NAV3: variants seen among roughly 807,000 people sequenced by gnomAD.
The protein encoded by NAV3 is neuron navigator 3, also known as pore membrane and/or filament interacting like protein 1.
A neutral mutation model predicts 244.7 loss-of-function variants in NAV3; 87 were observed. That is an observed-to-expected ratio of 0.36 (90% CI 0.30 to 0.42). NAV3 has a LOEUF of 0.42. NAV3 is among the 20% of genes least tolerant of loss of function. The pLI, the probability that NAV3 is intolerant of heterozygous loss-of-function variation, is 1.00. For synonymous variants in NAV3, 1,126 were observed against 1,042.2 expected (o/e 1.08, Z -1.55); for missense variants, 2,663 against 2,893.3 (o/e 0.92, Z 1.83).
intron 12 of NAV3, among the ~76,000 whole-genome samples, chr12:78,097,137 G>A (rs192313012): frequency 1.3e-5 from 2 of 152,282 alleles, no homozygotes; most frequent in African/African-American, 4.8e-5. Context: ...CCTGGAGGGA[G>A]GTTAGGTCAT....
At chr12:77,795,530 C>G (rs1422507814) in intron 2 of NAV3, among the ~76,000 whole-genome samples, 4 of 152,020 alleles carry the variant, frequency 2.6e-5, no homozygotes, top group Non-Finnish European at 4.4e-5. Flanking sequence ...ATGAAATTTA[C>G]TGTACATTAT....
At chr12:77,895,711 T>G (rs1458750710) in intron 1 of NAV3, among the ~76,000 whole-genome samples, 1 of 150,770 alleles carries the variant, frequency 6.6e-6, no homozygotes, top group African/African-American at 2.4e-5. Context: ...TACCCCATCC[T>G]CTACTACCAC....
At chr12:77,765,569 G>C (rs927373298) in intron 2 of NAV3, among the ~76,000 whole-genome samples, 1 of 152,120 alleles carries the variant, frequency 6.6e-6, no homozygotes, top group Non-Finnish European at 1.5e-5. Context: ...AAAGATGAAA[G>C]GGGCAATCCA....
Position 78,119,417 on chromosome 12 carries a change from G to A in NAV3, c.3221G>A (p.Gly1074Glu), listed in dbSNP as rs2138609150. 1 of 1,614,148 alleles carries A rather than the reference G, an allele frequency of 6.2e-7. No individual in the cohort carries two copies. The highest frequency in any genetic ancestry group is 1.1e-5 in the South Asian group (1 of 91,078). The change falls in exon 15 of 40, where the codon GGG becomes GAG. Residue 1074 changes from glycine (G) to glutamate (E), a missense_variant. Transcript: ENST00000397909. ...GGCTTTAAGAAACCAAGTGGAGTAGGGTCATCTGCCATGATCACCAGCAGT... is the reference window on the plus strand; with the variant it reads ...GGCTTTAAGAAACCAAGTGGAGTAGAGTCATCTGCCATGATCACCAGCAGT... ...SFGFKKPSGV[G>E]SSAMITSSGA...
chr12:78,177,036 C>T, intron 26 of NAV3, 105 bp from the exon 27 acceptor site: 1 of 1,077,454 alleles, frequency 9.3e-7, no homozygotes, highest in Non-Finnish European at 1.4e-6. Context: ...CTTGTACATA[C>T]TGACCCCAGG....
intron 2 of NAV3, among the ~76,000 whole-genome samples, chr12:77,713,033 C>G (rs536670736): frequency 7.2e-4 from 110 of 152,308 alleles, no homozygotes; most frequent in African/African-American, 2.4e-3. Context: ...CAAAAGCTAG[C>G]TTAGGCCCAG....
chr12:78,119,463 C>T lies in NAV3; in HGVS notation c.3267C>T (p.Gly1089=), dbSNP rs1391077168. The T allele has an allele frequency of 1.2e-6, 2 of 1,614,190 alleles. No individual in the cohort carries two copies. ...GCAGTGGAGCAACCATAACAAGTGG[C>T]TCTGCAACACTGGGTAAAATTCCAA... ...ITSSGATITS[G]SATLGKIPKS... is the part of the protein sequence containing the mutation. The change falls in exon 15 of 40, where the codon GGC becomes GGT. Residue 1089 remains glycine, a synonymous_variant. Coordinates refer to ENST00000397909, the MANE Select transcript of NAV3 (RefSeq NM_001024383.2).
At chr12:77,671,590 C>T (rs957292448) in intron 2 of NAV3, among the ~76,000 whole-genome samples, 4 of 151,988 alleles carry the variant, frequency 2.6e-5, no homozygotes, top group African/African-American at 4.8e-5. Context: ...AACAGAGTAG[C>T]GATTCCAGAA....
chr12:77,936,093 T>G (rs995547814), intron 1 of NAV3, among the ~76,000 whole-genome samples: 8 of 152,136 alleles, frequency 5.3e-5, no homozygotes, highest in African/African-American at 1.9e-4. Flanking sequence ...AGAAAAGAAA[T>G]GTTCAATCAA....
chr12:77,671,227 A>C (rs1873957478), intron 2 of NAV3, among the ~76,000 whole-genome samples: 1 of 152,058 alleles, frequency 6.6e-6, no homozygotes, highest in Non-Finnish European at 1.5e-5. Flanking sequence ...AAAAACAAAA[A>C]CAAAATACTT....
chr12:78,057,561 C>T (rs1182068427), intron 11 of NAV3, among the ~76,000 whole-genome samples: 1 of 152,180 alleles, frequency 6.6e-6, no homozygotes, highest in Non-Finnish European at 1.5e-5. Context: ...ACTCTAGAAA[C>T]TCTAATGCAT....
intron 8 of NAV3, among the ~76,000 whole-genome samples, chr12:78,015,536 T>G (rs1303948744): frequency 6.6e-6 from 1 of 152,154 alleles, no homozygotes; most frequent in African/African-American, 2.4e-5. Flanking sequence ...ACTGTGTTTT[T>G]CCTGTTGCAT....
intron 2 of NAV3, among the ~76,000 whole-genome samples, chr12:77,572,762 C>T (rs1032501058): frequency 4.6e-5 from 7 of 152,244 alleles, no homozygotes; most frequent in South Asian, 4.1e-4. Context: ...GAGACAACTG[C>T]GAGCTTTGTT....
chr12:77,718,263 A>G (rs964636414), intron 2 of NAV3, among the ~76,000 whole-genome samples: 3 of 152,164 alleles, frequency 2.0e-5, no homozygotes, highest in African/African-American at 7.2e-5. Flanking sequence ...TGTGTACAAT[A>G]AGGCTCAAAT....
chr12:77,691,337 G>GTATATATATATATATA (rs1182535904), intron 2 of NAV3, among the ~76,000 whole-genome samples: 1 of 104,256 alleles, frequency 9.6e-6, no homozygotes, highest in African/African-American at 3.5e-5. Context: ...GTGTATGTGT[G>GTATATATATATATATA]TATATATATA....
intron 34 of NAV3, 66 bp downstream of exon 34, chr12:78,190,285 T>C: frequency 7.4e-7 from 1 of 1,347,972 alleles, no homozygotes; most frequent in Non-Finnish European, 1.0e-6. Flanking sequence ...AATCAAATTA[T>C]AAGATTTTGT....
chr12:77,742,625 G>T (rs1396894978), intron 2 of NAV3, among the ~76,000 whole-genome samples: 2 of 151,968 alleles, frequency 1.3e-5, no homozygotes, highest in Non-Finnish European at 2.9e-5. Context: ...CAGTTAAAAT[G>T]TATCAAAACT....
chr12:78,009,445 C>CAAA (rs35722033), intron 8 of NAV3, among the ~76,000 whole-genome samples: 51 of 69,892 alleles, frequency 7.3e-4, no homozygotes, highest in East Asian at 1.7e-3. Flanking sequence ...GAGGGAAACT[C>CAAA]AAAAAAAAAA....
At chr12:78,090,954 C>G (rs1475276899) in intron 12 of NAV3, among the ~76,000 whole-genome samples, 5 of 142,560 alleles carry the variant, frequency 3.5e-5, no homozygotes, top group Non-Finnish European at 7.7e-5. Context: ...GTGCTGTATT[C>G]TGTGTGTGTG....
Sources: allele counts gnomAD v4.1 joint callset (sites outside exome capture counted in the v4.1 genomes callset), GRCh38; gene constraint gnomAD v4.1.1; transcripts MANE v1.5; gene names NCBI Gene and HGNC (gene_info 2026-07-23, HGNC 2026-07-21).